Variants in NUP210L observed in about 807,000 individuals in gnomAD.
The protein encoded by NUP210L is nuclear pore membrane glycoprotein 210-like.
NUP210L carries 74 observed loss-of-function variants against 208.5 expected under a neutral mutation model. The ratio of observed to expected loss-of-function variants is 0.35; its 90% CI spans 0.29 to 0.43. The LOEUF is 0.43. Among genes scored for constraint, NUP210L ranks in the 20% least tolerant of loss-of-function variants. NUP210L has a pLI of 1.00. For missense variants in NUP210L, 1,843 were observed against 2,289.4 expected, an observed-to-expected ratio of 0.81 and a Z score of 3.98; for synonymous variants, 780 against 816.9, an observed-to-expected ratio of 0.95 and a Z score of 0.77.
intron 27 of NUP210L, among the ~76,000 whole-genome samples, chr1:154,033,461 A>G (rs1379093895): frequency 6.6e-6 from 1 of 152,144 alleles, no homozygotes; most frequent in Middle Eastern, 3.2e-3. Flanking sequence ...ATTCTTCTGC[A>G]TATGGATATC....
exon 35 of NUP210L, chr1:154,010,011 T>C: frequency 1.9e-6 from 3 of 1,613,376 alleles, no homozygotes; most frequent in Non-Finnish European, 2.5e-6. Flanking sequence ...TGAAAGACTT[T>C]ACTTGCTGGA....
intron 37 of NUP210L, among the ~76,000 whole-genome samples, chr1:153,996,848 CTTTTT>C (rs747835495): frequency 9.6e-6 from 1 of 103,730 alleles, no homozygotes. Context: ...GTAGACTTGC[CTTTTT>C]TTTTTTTTTT....
At chr1:154,095,005 A>G (rs201264601) in exon 15 of NUP210L, 18 of 1,614,020 alleles carry the variant, frequency 1.1e-5, no homozygotes, top group Non-Finnish European at 1.5e-5. Context: ...TGGCAGCCAC[A>G]CTTGTGCTAT....
At chr1:154,144,730 T>C (rs190596469) in intron 2 of NUP210L, among the ~76,000 whole-genome samples, 75 of 152,338 alleles carry the variant, frequency 4.9e-4, no homozygotes, top group African/African-American at 1.6e-3. Flanking sequence ...TACGACCACT[T>C]TCCAATGACC....
chr1:154,152,669 C>T, intron 2 of NUP210L, 67 bp downstream of exon 2: 2 of 1,378,130 alleles, frequency 1.5e-6, no homozygotes, highest in Non-Finnish European at 2.0e-6. Flanking sequence ...TGTTAACTAT[C>T]TATACAAAAT....
At chr1:154,013,067 C>A (rs1464057649) in intron 33 of NUP210L, among the ~76,000 whole-genome samples, 2 of 143,268 alleles carry the variant, frequency 1.4e-5, no homozygotes, top group African/African-American at 5.2e-5. Flanking sequence ...CAGAGCGAGA[C>A]TCCAAAAAAA....
chr1:154,122,382 C>T (rs186167194), intron 10 of NUP210L, among the ~76,000 whole-genome samples: 3 of 152,218 alleles, frequency 2.0e-5, no homozygotes, highest in East Asian at 3.9e-4. Context: ...ACAGGCCCAG[C>T]GCGGTGGCTC....
chr1:154,010,857 C>T (rs530210087), intron 34 of NUP210L, among the ~76,000 whole-genome samples: 2 of 151,480 alleles, frequency 1.3e-5, no homozygotes, highest in African/African-American at 2.4e-5. Flanking sequence ...GCAACAAGAG[C>T]GAAACTCCGT....
At chr1:154,055,169 T>TTC (rs1491049287) in intron 23 of NUP210L, among the ~76,000 whole-genome samples, 1 of 128,670 alleles carries the variant, frequency 7.8e-6, no homozygotes, top group Non-Finnish European at 1.7e-5. Context: ...CTTTCTTTCT[T>TTC]TCTTTCTTTC....
intron 10 of NUP210L, among the ~76,000 whole-genome samples, chr1:154,119,842 T>C (rs928742984): frequency 6.6e-6 from 1 of 152,230 alleles, no homozygotes; most frequent in Non-Finnish European, 1.5e-5. Context: ...TGAATAGTGC[T>C]GCAATAAACA....
intron 25 of NUP210L, among the ~76,000 whole-genome samples, chr1:154,046,920 T>G (rs909758387): frequency 9.2e-5 from 14 of 152,100 alleles, no homozygotes; most frequent in African/African-American, 2.9e-4. Flanking sequence ...TAGCTGGGTG[T>G]GGTGGCATGT....
In NUP210L at chr1:154,030,146, T is replaced by A. The variant is rs547026503; in HGVS notation, c.3697-92A>T. The A allele has an allele frequency of 1.7e-4, 149 of 901,962 alleles. 1 individual carries two copies. The highest frequency in any genetic ancestry group is 1.4e-3 in the African/African-American group (79 of 57,170). The allele number at this position is 901,962 out of a possible 1,614,324, so 55.9% of individuals were successfully genotyped here. A position where few individuals can be genotyped will look rare whatever the true frequency, so the allele number is the denominator to read the frequency against. ...ACTTTTTTAATATTAAATTTTTTTT[T>A]AAATTAAAAATAAAAAGTCAGGAAA... is the stretch of plus-strand genomic sequence containing the variant. On this transcript the variant is annotated intron_variant, in intron 27 of 39. Transcript: ENST00000368559.
chr1:154,030,390 CGG>C (rs1293562280), intron 27 of NUP210L, among the ~76,000 whole-genome samples: 1 of 151,736 alleles, frequency 6.6e-6, no homozygotes, highest in Non-Finnish European at 1.5e-5. Context: ...CTCGACCTCC[CGG>C]GCTCCAGTGA....
At chr1:154,045,102 A>G (rs113345653) in intron 27 of NUP210L, among the ~76,000 whole-genome samples, 4 of 152,168 alleles carry the variant, frequency 2.6e-5, no homozygotes, top group African/African-American at 9.6e-5. Context: ...TTAATTAATC[A>G]CTGTTCTTAA....
intron 12 of NUP210L, among the ~76,000 whole-genome samples, chr1:154,114,180 C>T (rs1320688638): frequency 2.0e-5 from 3 of 151,638 alleles, no homozygotes; most frequent in East Asian, 3.9e-4. Flanking sequence ...TAGTGGTACA[C>T]GTCCCAGCTA....
intron 13 of NUP210L, among the ~76,000 whole-genome samples, chr1:154,103,343 G>A (rs1349762218): frequency 3.4e-5 from 5 of 148,384 alleles, no homozygotes; most frequent in Admixed American, 2.0e-4. Flanking sequence ...GCAGTGAGCC[G>A]AGATCGTGCC....
Position 154,027,094 on chromosome 1 carries a change from AAACAAAAAAAAAAAAAC to A in NUP210L, c.3947+395_3947+411del, listed in dbSNP as rs1409464366. 5.6e-5 allele frequency among the ~76,000 whole-genome samples: 8 copies of A among 143,516 alleles called. 1 individual carries two copies. The highest frequency in any genetic ancestry group is 2.1e-4 in the African/African-American group (8 of 38,236). 94.2% of individuals were successfully genotyped at this position (143,516 alleles called of 152,430 possible). On this transcript the variant is annotated intron_variant, in intron 29 of 39. Transcript: ENST00000368559. ...CGAGACTGTCTCAAAAAAAAAAAAA[AAACAAAAAAAAAAAAAC>A]AAAAAACACAAAACGTTGCATACTG...
chr1:154,126,383 T>C, exon 10 of NUP210L: 1 of 1,613,504 alleles, frequency 6.2e-7, no homozygotes, highest in Non-Finnish European at 8.5e-7. Flanking sequence ...TCAGGGCTTT[T>C]ACTATATGGT....
Position 154,108,377 on chromosome 1 carries a change from C to T in NUP210L, c.1621-4167G>A, listed in dbSNP as rs940584062. Among the ~76,000 whole-genome samples the T allele has an allele frequency of 1.3e-4, 20 of 152,036 alleles. No individual in the cohort carries two copies. The East Asian group carries it at 3.7e-3, about 28-fold the overall frequency. ...TTCACCATGTTGGCCAGGATGGTCT[C>T]GAACTCCTGATCTTAGGTGATCTAA... On this transcript the variant is annotated intron_variant, in intron 12 of 39. Transcript: ENST00000368559.
Sources: allele counts gnomAD v4.1 joint callset (sites outside exome capture counted in the v4.1 genomes callset), GRCh38; gene constraint gnomAD v4.1.1; transcripts MANE v1.5; gene names NCBI Gene and HGNC (gene_info 2026-07-23, HGNC 2026-07-21).